Variants in B3GALT1 observed in about 807,000 individuals in gnomAD.
B3GALT1 encodes the protein beta-1,3-galactosyltransferase 1.
A neutral mutation model predicts 23.2 loss-of-function variants in B3GALT1; 10 were observed. The observed-to-expected ratio is 0.43, with a 90% confidence interval of 0.27 to 0.73. The LOEUF (loss-of-function observed/expected upper bound fraction) is 0.73, where lower values mean the gene tolerates loss of function less well. B3GALT1 is among the 30% of genes least tolerant of loss of function. The pLI is 0.21. For missense variants in B3GALT1, 299 were observed against 405.4 expected (o/e 0.74, Z 2.25); for synonymous variants, 156 against 141.5 (o/e 1.10, Z -0.73).
At chr2:167,631,332 C>T (rs1184246079) in intron 2 of B3GALT1, 1 of 151,852 alleles carries the variant, frequency 6.6e-6, no homozygotes, top group Non-Finnish European at 1.5e-5. Flanking sequence ...AAAAGTTTGC[C>T]ATACACACCT....
At chr2:167,772,077 G>C (rs35694451) in intron 3 of B3GALT1, among the ~76,000 whole-genome samples, 70,251 of 151,674 alleles carry the variant, frequency 0.46, 16,501 homozygotes, top group East Asian at 0.57. Flanking sequence ...AATGACTGAC[G>C]GGGGGAATCC....
intron 1 of B3GALT1, among the ~76,000 whole-genome samples, chr2:167,330,544 A>G (rs956015785): frequency 2.6e-5 from 4 of 152,206 alleles, no homozygotes; most frequent in Admixed American, 2.0e-4. Flanking sequence ...CAGGAGGTTG[A>G]GGCCGCAGTG....
intron 1 of B3GALT1, among the ~76,000 whole-genome samples, chr2:167,413,455 G>T (rs1698421868): frequency 3.3e-5 from 5 of 151,644 alleles, no homozygotes; most frequent in Admixed American, 3.3e-4. Flanking sequence ...TTCAGAAGAG[G>T]GTATGATAAA....
intron 3 of B3GALT1, among the ~76,000 whole-genome samples, chr2:167,802,918 A>T (rs1325641038): frequency 1.3e-5 from 2 of 151,870 alleles, no homozygotes; most frequent in African/African-American, 2.4e-5. Context: ...ATAAATTAGT[A>T]TTTTTTTATC....
At chr2:167,408,807 A>AAAAAAAAC in intron 1 of B3GALT1, among the ~76,000 whole-genome samples, 1 of 138,076 alleles carries the variant, frequency 7.2e-6, no homozygotes, top group African/African-American at 2.7e-5. Flanking sequence ...ACAAAAAAAA[A>AAAAAAAAC]AAAAAACAAA....
At chr2:167,574,375 G>T (rs1375328872) in intron 2 of B3GALT1, among the ~76,000 whole-genome samples, 1 of 151,592 alleles carries the variant, frequency 6.6e-6, no homozygotes, top group Admixed American at 6.6e-5. Context: ...AAACATACCA[G>T]TAGTAGTCAA....
chr2:167,329,104 C>T (rs114764319), intron 1 of B3GALT1, among the ~76,000 whole-genome samples: 5,206 of 152,266 alleles, frequency 0.034, 245 homozygotes, highest in African/African-American at 0.11. Context: ...TGAGCCACCA[C>T]GCCTGGTCAC....
intron 4 of B3GALT1, among the ~76,000 whole-genome samples, chr2:167,840,789 A>G (rs1364452676): frequency 2.0e-5 from 3 of 148,032 alleles, no homozygotes; most frequent in Non-Finnish European, 3.0e-5. Context: ...ATGTCCAACA[A>G]TGATAGACTG....
At chr2:167,572,836 G>T (rs1314199057) in intron 2 of B3GALT1, among the ~76,000 whole-genome samples, 1 of 151,752 alleles carries the variant, frequency 6.6e-6, no homozygotes, top group Non-Finnish European at 1.5e-5. Flanking sequence ...GGGACTAGTA[G>T]GTTGGTGAGA....
intron 2 of B3GALT1, among the ~76,000 whole-genome samples, chr2:167,532,923 G>A (rs186602609): frequency 0.012 from 1,716 of 146,886 alleles, 30 homozygotes; most frequent in African/African-American, 0.041. Context: ...GTGCAGTGGC[G>A]TGATCTCAGC....
intron 2 of B3GALT1, among the ~76,000 whole-genome samples, chr2:167,592,293 G>A (rs1412048797): frequency 6.6e-6 from 1 of 152,130 alleles, no homozygotes; most frequent in Admixed American, 6.5e-5. Flanking sequence ...CCCCAATCAT[G>A]AAGTTTCCAT....
intron 3 of B3GALT1, among the ~76,000 whole-genome samples, chr2:167,772,900 A>T (rs1170533351): frequency 1.3e-5 from 2 of 152,216 alleles, no homozygotes; most frequent in African/African-American, 2.4e-5. Context: ...GAATTTCCCC[A>T]GCCAAAAGTA....
At chr2:167,646,314 G>C (rs2105459948) in intron 2 of B3GALT1, among the ~76,000 whole-genome samples, 1 of 152,218 alleles carries the variant, frequency 6.6e-6, no homozygotes, top group Non-Finnish European at 1.5e-5. Flanking sequence ...CTCATGGGTA[G>C]GACCCAGGGT....
chr2:167,411,736 T>A (rs193231923), intron 1 of B3GALT1, among the ~76,000 whole-genome samples: 76 of 152,294 alleles, frequency 5.0e-4, no homozygotes, highest in African/African-American at 1.7e-3. Context: ...GAAAGGAAAT[T>A]AGTATATCAA....
intron 2 of B3GALT1, among the ~76,000 whole-genome samples, chr2:167,553,463 G>A (rs779548517): frequency 2.6e-5 from 4 of 152,084 alleles, no homozygotes; most frequent in African/African-American, 4.8e-5. Flanking sequence ...GGCAGATCTC[G>A]ATTTATGGGA....
intron 2 of B3GALT1, among the ~76,000 whole-genome samples, chr2:167,545,971 A>G (rs1184834271): frequency 2.0e-5 from 3 of 152,346 alleles, no homozygotes; most frequent in Admixed American, 2.0e-4. Context: ...TTATATACAT[A>G]GGCTGAAGGT....
In B3GALT1 at chr2:167,346,804, G is replaced by T. The variant is rs556880645; in HGVS notation, c.-511+53470G>T. Among the ~76,000 whole-genome samples the T allele has an allele frequency of 9.9e-5, 15 of 151,640 alleles. No homozygotes were observed. In the South Asian group the frequency reaches 3.1e-3, roughly 32 times the overall value. On this transcript the variant is annotated intron_variant, in intron 1 of 4. Coordinates refer to ENST00000392690, the MANE Select transcript of B3GALT1 (RefSeq NM_020981.4). ...TGTGTGTGCGTATACCTGTAATTTAGTGAGATCTAATTTTGGGTCCTCGTC... is the reference window on the plus strand; with the variant it reads ...TGTGTGTGCGTATACCTGTAATTTATTGAGATCTAATTTTGGGTCCTCGTC...
At chr2:167,429,809 A>G (rs1442777928) in intron 1 of B3GALT1, among the ~76,000 whole-genome samples, 1 of 152,246 alleles carries the variant, frequency 6.6e-6, no homozygotes, top group Admixed American at 6.5e-5. Context: ...AATTCCTGTA[A>G]AGAACAATGC....
At chr2:167,313,329 G>A (rs1362516701) in intron 1 of B3GALT1, among the ~76,000 whole-genome samples, 2 of 152,134 alleles carry the variant, frequency 1.3e-5, no homozygotes, top group African/African-American at 4.8e-5. Context: ...CTATCATTGA[G>A]TAAATAACTA....
Sources: allele counts gnomAD v4.1 joint callset (sites outside exome capture counted in the v4.1 genomes callset), GRCh38; gene constraint gnomAD v4.1.1; transcripts MANE v1.5; gene names NCBI Gene and HGNC (gene_info 2026-07-23, HGNC 2026-07-21).